Variants in PCDHA1 observed in about 807,000 individuals in gnomAD.
PCDHA1 encodes the protein protocadherin alpha-1.
PCDHA1 carries 42 observed loss-of-function variants against 61.3 expected under a neutral mutation model. That is an observed-to-expected ratio of 0.69 (90% confidence interval 0.54 to 0.89). PCDHA1 has a LOEUF of 0.89. Ranked by LOEUF, PCDHA1 falls within the 40% of genes least tolerant of loss-of-function variation. The probability of loss-of-function intolerance (pLI) is 0.00; values close to 1 mark genes in which losing one functional copy is unlikely to be tolerated. For missense variants in PCDHA1, 1,256 were observed against 1,235.3 expected (o/e 1.02, Z -0.25); for synonymous variants, 610 against 553.8 (o/e 1.10, Z -1.43).
At chr5:140,941,570 C>T (rs892912533) in intron 1 of PCDHA1, among the ~76,000 whole-genome samples, 17 of 152,046 alleles carry the variant, frequency 1.1e-4, no homozygotes, top group African/African-American at 4.1e-4. Context: ...TCGCCTCAGC[C>T]TCCCAAAGTG....
intron 1 of PCDHA1, chr5:140,823,600 G>T: frequency 6.2e-7 from 1 of 1,614,032 alleles, no homozygotes; most frequent in Non-Finnish European, 8.5e-7. Context: ...GCTTTCGTAT[G>T]AGCTGCAGCC....
At chr5:140,834,114 G>A in intron 1 of PCDHA1, 1 of 419,090 alleles carries the variant, frequency 2.4e-6, no homozygotes, top group Admixed American at 4.0e-5. Context: ...TTCAGAGTTT[G>A]AAATAAAACT....
chr5:140,978,898 G>A (rs2096827765), intron 1 of PCDHA1, 51 bp from the exon 2 acceptor site: 1 of 1,612,868 alleles, frequency 6.2e-7, no homozygotes. Flanking sequence ...GCATTCCTGG[G>A]AGAACATTGT....
intron 1 of PCDHA1, chr5:140,848,358 G>A: frequency 9.5e-7 from 1 of 1,051,266 alleles, no homozygotes; most frequent in East Asian, 2.4e-5. Flanking sequence ...CTTTTCCCAT[G>A]GGAAAGAGGC....
intron 1 of PCDHA1, chr5:140,828,260 G>A (rs2150153212): frequency 6.8e-6 from 11 of 1,614,030 alleles, no homozygotes; most frequent in Non-Finnish European, 7.6e-6. Flanking sequence ...GCTGGAGCTG[G>A]CGGAGCTGGT....
chr5:140,864,059 T>C (rs1371478916), intron 1 of PCDHA1: 1 of 152,732 alleles, frequency 6.5e-6, no homozygotes, highest in Non-Finnish European at 1.5e-5. Flanking sequence ...ACAGTCACCA[T>C]GAACATTCTT....
chr5:140,798,700 G>A (rs1762352286), intron 1 of PCDHA1, among the ~76,000 whole-genome samples: 1 of 152,186 alleles, frequency 6.6e-6, no homozygotes, highest in Admixed American at 6.5e-5. Flanking sequence ...TCCAAAAGAT[G>A]AGGCCTGGTC....
intron 1 of PCDHA1, chr5:140,830,094 C>T (rs1770810347): frequency 2.5e-6 from 4 of 1,613,470 alleles, no homozygotes; most frequent in Middle Eastern, 1.7e-4. Flanking sequence ...GTTCTGGTGT[C>T]GCTGGTGGAG....
chr5:140,829,975 G>A (rs2150178918), intron 1 of PCDHA1: 37 of 1,613,854 alleles, frequency 2.3e-5, no homozygotes, highest in Admixed American at 3.3e-5. Flanking sequence ...GGCTGTACAC[G>A]GGCGAGATCA....
intron 3 of PCDHA1, among the ~76,000 whole-genome samples, chr5:141,000,226 G>A (rs2097897321): frequency 6.6e-6 from 1 of 151,546 alleles, no homozygotes; most frequent in Non-Finnish European, 1.5e-5. Context: ...TGCCTGTGTG[G>A]AGCTGAATGT....
rs201643490 is a variant in PCDHA1 at position 140,856,993 on chromosome 5, T to A, written c.2394+68309T>A. 5.0e-6 allele frequency: 8 copies of A among 1,595,442 alleles called. No homozygotes were observed. In the East Asian group the frequency reaches 1.3e-4, roughly 27 times the overall value. On this transcript the variant is annotated intron_variant, in intron 1 of 3. Transcript: ENST00000504120. Reference sequence around the variant, plus strand: ...TTGACTTTGAGGACAGTAACACTTATGAAATTCATGTAGATGTTACAGATA... The same window carrying A: ...TTGACTTTGAGGACAGTAACACTTAAGAAATTCATGTAGATGTTACAGATA...
chr5:140,947,270 T>C (rs1230948656), intron 1 of PCDHA1, among the ~76,000 whole-genome samples: 1 of 151,546 alleles, frequency 6.6e-6, no homozygotes, highest in Non-Finnish European at 1.5e-5. Context: ...TTGTTGAAAA[T>C]ACTTTTTCTT....
At chr5:140,860,134 T>C (rs1179708512) in intron 1 of PCDHA1, 1 of 150,772 alleles carries the variant, frequency 6.6e-6, no homozygotes, top group African/African-American at 2.4e-5. Flanking sequence ...TGTGTGTGTG[T>C]ATATATATGT....
chr5:140,857,681 G>C lies in PCDHA1; in HGVS notation c.2394+68997G>C, dbSNP rs2044790199. 3 of 1,596,838 alleles carry C rather than the reference G, an allele frequency of 1.9e-6. No individual in the cohort carries two copies. In the African/African-American group the frequency reaches 4.0e-5, roughly 22 times the overall value. The stretch of plus-strand genomic sequence containing the variant: ...GCGCGATGGGGGCGTGCCGCCTCTG[G>C]GCAGCAACTTGACGCTGCAGGTGTT... On this transcript the variant is annotated intron_variant, in intron 1 of 3. Transcript: ENST00000504120.
chr5:140,925,108 G>GGAAGGAAGGAAGGAAGGAAGGAA (rs1554202548), intron 1 of PCDHA1, among the ~76,000 whole-genome samples: 19 of 124,700 alleles, frequency 1.5e-4, no homozygotes, highest in Middle Eastern at 4.0e-3. Context: ...GAAGGAAGGA[G>GGAAGGAAGGAAGGAAGGAAGGAA]GGAAGGAAGG....
At chr5:140,900,139 G>A (rs985320509) in intron 1 of PCDHA1, among the ~76,000 whole-genome samples, 2 of 152,156 alleles carry the variant, frequency 1.3e-5, no homozygotes, top group East Asian at 3.9e-4. Context: ...CCACAAATAA[G>A]TAAGAACATA....
At chr5:140,876,980 C>T (rs782646541) in intron 1 of PCDHA1, 18 of 1,612,542 alleles carry the variant, frequency 1.1e-5, no homozygotes, top group Admixed American at 1.7e-5. Flanking sequence ...GGCGAGCACG[C>T]ACTGTCGAGC....
At chr5:140,996,699 C>T (rs1462785057) in intron 3 of PCDHA1, among the ~76,000 whole-genome samples, 3 of 152,146 alleles carry the variant, frequency 2.0e-5, no homozygotes, top group Non-Finnish European at 2.9e-5. Flanking sequence ...TTCTGAACCT[C>T]TATCTCTTTG....
chr5:140,789,427 G>C (rs1554118420), intron 1 of PCDHA1, among the ~76,000 whole-genome samples: 2 of 152,104 alleles, frequency 1.3e-5, no homozygotes, highest in African/African-American at 2.4e-5. Flanking sequence ...ACTCTAACCT[G>C]GGCGACAGAG....
Sources: allele counts gnomAD v4.1 joint callset (sites outside exome capture counted in the v4.1 genomes callset), GRCh38; gene constraint gnomAD v4.1.1; transcripts MANE v1.5; gene names NCBI Gene and HGNC (gene_info 2026-07-23, HGNC 2026-07-21).